The following SAMD5 variants were observed in gnomAD, a reference collection of about 807,000 sequenced individuals.
SAMD5 encodes the protein sterile alpha motif domain-containing protein 5.
A neutral mutation model predicts 11.3 loss-of-function variants in SAMD5; 13 were observed. The observed-to-expected ratio is 1.15, with a 90% confidence interval of 0.75 to 1.83. The LOEUF (loss-of-function observed/expected upper bound fraction) is 1.83, where lower values mean the gene tolerates loss of function less well. Among genes scored for constraint, SAMD5 ranks in the 40% most tolerant of loss-of-function variants. SAMD5 has a pLI of 0.00. For synonymous variants in SAMD5, 129 were observed against 111.3 expected (o/e 1.16, Z -1.00); for missense variants, 255 against 239.1 (o/e 1.07, Z -0.44).
At chr6:147,714,490 T>C (rs1036001144) in intron 1 of SAMD5, among the ~76,000 whole-genome samples, 1 of 152,152 alleles carries the variant, frequency 6.6e-6, no homozygotes, top group Non-Finnish European at 1.5e-5. Context: ...TGTTGACTTA[T>C]ATATTGAGGT....
chr6:147,926,401 C>T, the SAMD5 span, among the ~76,000 whole-genome samples: 4 of 152,066 alleles, frequency 2.6e-5, no homozygotes, highest in Non-Finnish European at 4.4e-5. Flanking sequence ...GATGGCATCT[C>T]CTTGTGGTTT....
intron 1 of SAMD5, among the ~76,000 whole-genome samples, chr6:147,595,047 C>G (rs17328123): frequency 0.01 from 1,537 of 152,284 alleles, 20 homozygotes; most frequent in Non-Finnish European, 0.017. Flanking sequence ...CTTGCTGAAG[C>G]TATTAATTTT....
At chr6:147,676,197 C>T (rs746331389) in intron 1 of SAMD5, 2 of 151,910 alleles carry the variant, frequency 1.3e-5, no homozygotes, top group South Asian at 2.1e-4. Context: ...TTATTCAACC[C>T]CGGCAAGATG....
the SAMD5 span, among the ~76,000 whole-genome samples, chr6:147,880,848 T>C: frequency 1.7e-3 from 254 of 152,292 alleles, 4 homozygotes; most frequent in South Asian, 0.018. Context: ...AGATTCTTGG[T>C]AAAATTGTAC....
the SAMD5 span, among the ~76,000 whole-genome samples, chr6:147,901,155 GTATTATAGAGA>G: frequency 1.9e-4 from 29 of 152,238 alleles, no homozygotes; most frequent in African/African-American, 6.0e-4. Flanking sequence ...GATAGTACCA[GTATTATAGAGA>G]TATTATAAGG....
chr6:147,846,214 A>C, the SAMD5 span, among the ~76,000 whole-genome samples: 1 of 152,186 alleles, frequency 6.6e-6, no homozygotes, highest in African/African-American at 2.4e-5. Context: ...ATGGTTTCCA[A>C]AGGTTAGGGA....
rs1225680905 is a variant in SAMD5, at chr6:147,710,604, T to A, written c.163-26713T>A. 2.6e-5 allele frequency among the ~76,000 whole-genome samples: 4 copies of A among 152,312 alleles called. No individual in the cohort carries two copies. The East Asian group carries it at 5.8e-4, about 22-fold the overall frequency. On this transcript the variant is annotated intron_variant, in intron 1 of 1. Transcript: ENST00000566741. ...GTGCTGGTGCCCAAAGAACCCTTAT[T>A]TTGTTTAATAATGGCCCCAAAGTGC...
chr6:147,755,517 G>A, the SAMD5 span, among the ~76,000 whole-genome samples: 1 of 152,002 alleles, frequency 6.6e-6, no homozygotes, highest in Non-Finnish European at 1.5e-5. Flanking sequence ...CTTGTCTAGT[G>A]CATTTTCTGT....
chr6:147,510,432 C>A (rs1430900559), intron 1 of SAMD5, among the ~76,000 whole-genome samples: 1 of 152,112 alleles, frequency 6.6e-6, no homozygotes, highest in Non-Finnish European at 1.5e-5. Flanking sequence ...AATATGAGCA[C>A]CTCAGCTTAA....
intron 1 of SAMD5, among the ~76,000 whole-genome samples, chr6:147,626,795 A>G (rs1790057953): frequency 8.7e-6 from 1 of 115,192 alleles, no homozygotes; most frequent in African/African-American, 4.7e-5. Flanking sequence ...TTCTATGAAA[A>G]AAAAAAAAAA....
At chr6:147,535,885 T>G (rs1397940044) in intron 1 of SAMD5, among the ~76,000 whole-genome samples, 2 of 152,186 alleles carry the variant, frequency 1.3e-5, no homozygotes, top group African/African-American at 4.8e-5. Flanking sequence ...GGACAAGGTA[T>G]GAGGCCAGAT....
At chr6:147,828,090 G>A in the SAMD5 span, among the ~76,000 whole-genome samples, 28,539 of 151,974 alleles carry the variant, frequency 0.19, 2,861 homozygotes, top group Middle Eastern at 0.27. Context: ...CAGGCCCAAC[G>A]TGACATTCTA....
At chr6:147,742,018 C>T (rs1226295087), downstream of SAMD5, 1 of 152,172 alleles carries the variant, frequency 6.6e-6, no homozygotes, top group African/African-American at 2.4e-5. Flanking sequence ...AACCCATATT[C>T]AACATGCAAA....
chr6:147,511,965 T>C (rs1240011110), intron 1 of SAMD5, among the ~76,000 whole-genome samples: 3 of 152,198 alleles, frequency 2.0e-5, no homozygotes, highest in African/African-American at 4.8e-5. Context: ...ATTTTTTGTT[T>C]GTTTGTTTGA....
the SAMD5 span, among the ~76,000 whole-genome samples, chr6:147,834,577 G>A: frequency 3.9e-5 from 6 of 152,174 alleles, no homozygotes; most frequent in African/African-American, 1.4e-4. Context: ...ACACTGATAT[G>A]TGCACTCATT....
intron 1 of SAMD5, among the ~76,000 whole-genome samples, chr6:147,587,657 T>A (rs1789394736): frequency 6.6e-6 from 1 of 152,208 alleles, no homozygotes; most frequent in Admixed American, 6.5e-5. Context: ...AATGGCTATA[T>A]TAATATGCCA....
the SAMD5 span, among the ~76,000 whole-genome samples, chr6:147,819,921 C>T: frequency 2.0e-3 from 306 of 152,264 alleles, no homozygotes; most frequent in African/African-American, 7.0e-3. Flanking sequence ...GGCAACACCA[C>T]GCATCTTGGC....
chr6:147,813,823 G>A, the SAMD5 span, among the ~76,000 whole-genome samples: 2 of 152,224 alleles, frequency 1.3e-5, no homozygotes, highest in African/African-American at 4.8e-5. Context: ...TTTCCAAGGG[G>A]AAGCTCATGG....
At chr6:147,842,812 GA>G in the SAMD5 span, among the ~76,000 whole-genome samples, 1 of 152,164 alleles carries the variant, frequency 6.6e-6, no homozygotes, top group Non-Finnish European at 1.5e-5. Context: ...CATCACATTT[GA>G]ATTGATGATA....
Sources: gnomAD v4.1 joint callset for allele counts (sites outside exome capture counted in the v4.1 genomes callset) on GRCh38, gnomAD v4.1.1 for gene constraint, MANE v1.5 for transcripts, NCBI Gene and HGNC (gene_info 2026-07-23, HGNC 2026-07-21) for gene names.